UGT1A1: variants seen among roughly 807,000 people sequenced by gnomAD.
UGT1A1 encodes UDP-glucuronosyltransferase 1A1.
Under a neutral mutation model 40.6 loss-of-function variants are expected in UGT1A1, and 33 were observed. The observed-to-expected ratio is 0.81, with a 90% CI of 0.62 to 1.09. UGT1A1 has a LOEUF of 1.09. Among genes scored for constraint, UGT1A1 ranks in the 50% least tolerant of loss-of-function variants. UGT1A1 has a pLI of 0.00. For missense variants in UGT1A1, 694 were observed against 671.2 expected (o/e 1.03, Z -0.38); for synonymous variants, 249 against 265.0 (o/e 0.94, Z 0.59).
chr2:233,772,325 C>A lies in UGT1A1; in HGVS notation c.1368C>A (p.Asp456Glu). 6.2e-7 allele frequency: 1 copy of A among 1,614,136 alleles called. No homozygotes were observed. Among genetic ancestry groups the A allele is most frequent in the Non-Finnish European group, 8.5e-7 (1 of 1,180,020 alleles). ...AGGACCGCCCGGTGGAGCCGCTGGACCTGGCCGTGTTCTGGGTGGAGTTTG... is the reference window on the plus strand; with the variant it reads ...AGGACCGCCCGGTGGAGCCGCTGGAACTGGCCGTGTTCTGGGTGGAGTTTG... ...LHKDRPVEPL[D>E]LAVFWVEFVM... is the part of the protein sequence containing the mutation. Residue 456 changes from aspartate (D) to glutamate (E), a missense_variant, in exon 5 of 5, where the codon GAC (aspartate) becomes GAA (glutamate). Coordinates refer to ENST00000305208, the MANE Select transcript of UGT1A1 (RefSeq NM_000463.3).
rs1700550543 is a variant in UGT1A1, at chr2:233,772,835, G to A, written c.*276G>A. ...GACGTGCAGACAGGCTGGCATTCTA[G>A]ATTACTTTTCTTACTCTGAAACATG... On this transcript the variant is annotated 3_prime_UTR_variant, in exon 5 of 5. Transcript: ENST00000305208. 1.1e-6 allele frequency: 1 copy of A among 887,832 alleles called. No individual in the cohort carries two copies. Among genetic ancestry groups the A allele is most frequent in the Non-Finnish European group, 1.6e-6 (1 of 638,112 alleles). The allele number at this position is 887,832 out of a possible 1,614,324, so 55.0% of individuals were successfully genotyped here. A position where few individuals can be genotyped will look rare whatever the true frequency, so the allele number is the denominator to read the frequency against.
chr2:233,762,716 G>A (rs1165030295), intron 1 of UGT1A1, among the ~76,000 whole-genome samples: 4 of 149,682 alleles, frequency 2.7e-5, no homozygotes, highest in African/African-American at 7.3e-5. Flanking sequence ...TATTTTACAC[G>A]GTTTTTTTTT....
In UGT1A1 at chr2:233,772,456, T is replaced by A; in HGVS notation, c.1499T>A (p.Leu500Gln). The A allele has an allele frequency of 6.2e-7, 1 of 1,614,218 alleles. No homozygotes were observed. The highest frequency in any genetic ancestry group is 8.5e-7 in the Non-Finnish European group (1 of 1,180,044). Residue 500 changes from leucine to glutamine, a missense_variant, in exon 5 of 5, where the codon CTG (leucine) becomes CAG (glutamine). Leu to Gln is a moderately radical substitution (Grantham distance 113). Coordinates refer to ENST00000305208, the MANE Select transcript of UGT1A1 (RefSeq NM_000463.3). ...ATTGGTTTCCTCTTGGCCGTCGTGC[T>A]GACAGTGGCCTTCATCACCTTTAAA... is the stretch of plus-strand genomic sequence containing the variant. ...DVIGFLLAVV[L>Q]TVAFITFKCC...
rs3213726 is a variant in UGT1A1, at chr2:233,766,877, C to A, written c.865-157C>A. ...GAAGGAAGTAAAGGAGAGGAAAATG[C>A]TGTAAAACTTACATATTAATAATTT... On this transcript the variant is annotated intron_variant, in intron 1 of 4. Coordinates refer to ENST00000305208, the MANE Select transcript of UGT1A1 (RefSeq NM_000463.3). Among the ~76,000 whole-genome samples, 50 of 152,336 alleles carry A rather than the reference C, an allele frequency of 3.3e-4. No homozygotes were observed. The East Asian group carries it at 9.2e-3, about 28-fold the overall frequency.
At position 233,772,301 on chromosome 2, in the gene UGT1A1, G is replaced by A. The variant is rs1384880194; in HGVS notation, c.1344G>A (p.Lys448=). ...TCATGCGCCTCTCCAGCCTTCACAA[G>A]GACCGCCCGGTGGAGCCGCTGGACC... ...ENIMRLSSLH[K]DRPVEPLDLA... The change falls in exon 5 of 5, where the codon AAG becomes AAA. Residue 448 remains lysine (K), a synonymous_variant. Transcript: ENST00000305208. The A allele has an allele frequency of 3.7e-6, 6 of 1,614,106 alleles. No individual in the cohort carries two copies. The highest frequency in any genetic ancestry group is 5.1e-6 in the Non-Finnish European group (6 of 1,180,054).
At position 233,768,455 on chromosome 2, in the gene UGT1A1, C is replaced by T. The variant is rs781674536; in HGVS notation, c.1304+16C>T. 1.9e-6 allele frequency: 3 copies of T among 1,610,240 alleles called. No individual in the cohort carries two copies. The highest frequency in any genetic ancestry group is 2.2e-5 in the East Asian group (1 of 44,770). On this transcript the variant is annotated intron_variant, in intron 4 of 4. Coordinates refer to ENST00000305208, the MANE Select transcript of UGT1A1 (RefSeq NM_000463.3). ...ATGACAAAAGGTAAGAAAGAAGATA[C>T]AGAAGAATACTTTGGTCATGGCATT... is the stretch of plus-strand genomic sequence containing the variant.
In UGT1A1 at chr2:233,760,360, T is replaced by A. The variant is rs751894919; in HGVS notation, c.73T>A (p.Ser25Thr). Residue 25 changes from serine (S) to threonine (T), a missense_variant, in exon 1 of 5, where the codon TCC becomes ACC. By Grantham distance (58) the Ser-to-Thr change is moderately conservative (BLOSUM62 1). Transcript: ENST00000305208. ...LLLCVLGPVV[S>T]HAGKILLIPV... ...GCTGTGTGTGCTGGGCCCAGTGGTG[T>A]CCCATGCTGGGAAGATACTGTTGAT... The A allele has an allele frequency of 6.2e-7, 1 of 1,614,114 alleles. No homozygotes were observed. The highest frequency in any genetic ancestry group is 2.2e-5 in the East Asian group (1 of 44,872).
rs767800703 is a variant in UGT1A1 at position 233,760,482 on chromosome 2, G to A, written c.195G>A (p.Ser65=). 9.3e-6 allele frequency: 15 copies of A among 1,614,120 alleles called. No homozygotes were observed. The highest frequency in any genetic ancestry group is 4.0e-5 in the African/African-American group (3 of 74,938). ...HEIVVLAPDA[S]LYIRDGAFYT... is the part of the protein sequence containing the mutation. ...TAGTTGTCCTAGCACCTGACGCCTC[G>A]TTGTACATCAGAGACGGAGCATTTT... is the stretch of plus-strand genomic sequence containing the variant. Residue 65 remains serine, a synonymous_variant, in exon 1 of 5, where the codon TCG becomes TCA. Transcript: ENST00000305208.
At chr2:233,764,328 G>A (rs35377848) in intron 1 of UGT1A1, among the ~76,000 whole-genome samples, 4 of 152,284 alleles carry the variant, frequency 2.6e-5, no homozygotes, top group East Asian at 3.9e-4. Flanking sequence ...TTGCCAAGTA[G>A]GGGATGGACT....
Position 233,769,434 on chromosome 2 carries a change from T to C in UGT1A1, c.1304+995T>C, listed in dbSNP as rs999407687. 1.3e-5 allele frequency: 20 copies of C among 1,542,190 alleles called. No homozygotes were observed. Among genetic ancestry groups the C allele is most frequent in the Non-Finnish European group, 1.7e-5 (19 of 1,120,764 alleles). On this transcript the variant is annotated intron_variant, in intron 4 of 4. Coordinates refer to ENST00000305208, the MANE Select transcript of UGT1A1 (RefSeq NM_000463.3). This position sits in a 1 kb window ranked among gnomAD's most constrained non-coding sequence, Gnocchi z 4.4. ...GCGTTTGTGCATGTGGCTGTGCTCA[T>C]GTGTGGGTGCACACGTGTGCATTCA...
chr2:233,761,696 T>G (rs1228722840), intron 1 of UGT1A1, among the ~76,000 whole-genome samples: 1 of 152,214 alleles, frequency 6.6e-6, no homozygotes, highest in East Asian at 1.9e-4. Context: ...TACAGAAAGG[T>G]TGTAGGTTTC....
In UGT1A1 at chr2:233,767,157, C is replaced by T; in HGVS notation, c.988C>T (p.Pro330Ser). The T allele has an allele frequency of 3.1e-6, 5 of 1,614,012 alleles. No homozygotes were observed. Among genetic ancestry groups the T allele is most frequent in the Non-Finnish European group, 4.2e-6 (5 of 1,179,992 alleles). Reference protein sequence around the residue: ...MAIADALGKIPQTVLWRYTGT... With the variant: ...MAIADALGKISQTVLWRYTGT... ...AATTGCTGATGCTTTGGGCAAAATC[C>T]CTCAGACAGTAAGAAGATTCTATAC... The change falls in exon 2 of 5, where the codon CCT becomes TCT. Residue 330 changes from proline to serine, a missense_variant. Coordinates refer to ENST00000305208, the MANE Select transcript of UGT1A1 (RefSeq NM_000463.3).
intron 1 of UGT1A1, among the ~76,000 whole-genome samples, chr2:233,764,044 G>C (rs1237715809): frequency 6.6e-6 from 1 of 152,166 alleles, no homozygotes; most frequent in Non-Finnish European, 1.5e-5. Flanking sequence ...AAGAATTCTG[G>C]GAAAATGAAA....
chr2:233,770,795 G>A (rs1575855208), intron 4 of UGT1A1: 1 of 152,228 alleles, frequency 6.6e-6, no homozygotes, highest in East Asian at 1.9e-4. Flanking sequence ...TTATAGATAT[G>A]TTTAAAGACA....
intron 3 of UGT1A1, 40 bp downstream of exon 3, chr2:233,767,976 C>A: frequency 6.2e-7 from 1 of 1,614,040 alleles, no homozygotes; most frequent in South Asian, 1.1e-5. Context: ...AAACCAGGGT[C>A]AAATTAAGAA....
At position 233,769,644 on chromosome 2, in the gene UGT1A1, G is replaced by A; in HGVS notation, c.1304+1205G>A. ...CAAGGGACAACAGGGGAGGACTGAT[G>A]ACTGACTTCCCACCTTTGAGGTGCT... On this transcript the variant is annotated intron_variant, in intron 4 of 4. Transcript: ENST00000305208. This position sits in a 1 kb window ranked among gnomAD's most constrained non-coding sequence, Gnocchi z 4.4. The A allele has an allele frequency of 6.2e-7, 1 of 1,608,954 alleles. No individual in the cohort carries two copies. Among genetic ancestry groups the A allele is most frequent in the South Asian group, 1.1e-5 (1 of 90,446 alleles).
chr2:233,769,729 C>T lies in UGT1A1; in HGVS notation c.1304+1290C>T. The T allele has an allele frequency of 6.8e-6, 10 of 1,468,988 alleles. No homozygotes were observed. Among genetic ancestry groups the T allele is most frequent in the Non-Finnish European group, 9.0e-6 (10 of 1,109,108 alleles). 91.0% of individuals were successfully genotyped at this position (1,468,988 alleles called of 1,614,324 possible). ...TGTTGGCTAGGCACCATGGCACACGCCTGTAGTCCCAGCCACTCTGGAGGC... is the reference window on the plus strand; with the variant it reads ...TGTTGGCTAGGCACCATGGCACACGTCTGTAGTCCCAGCCACTCTGGAGGC... On this transcript the variant is annotated intron_variant, in intron 4 of 4. Transcript: ENST00000305208. This position sits in a 1 kb window ranked among gnomAD's most constrained non-coding sequence, Gnocchi z 4.4.
rs763548038 is a variant in UGT1A1 at position 233,772,319 on chromosome 2, G to A, written c.1362G>A (p.Pro454=). The A allele has an allele frequency of 6.2e-6, 10 of 1,614,046 alleles. No homozygotes were observed. The highest frequency in any genetic ancestry group is 7.6e-6 in the Non-Finnish European group (9 of 1,180,038). The change falls in exon 5 of 5, where the codon CCG becomes CCA. Residue 454 remains proline (P), a synonymous_variant. Coordinates refer to ENST00000305208, the MANE Select transcript of UGT1A1 (RefSeq NM_000463.3). ...TTCACAAGGACCGCCCGGTGGAGCC[G>A]CTGGACCTGGCCGTGTTCTGGGTGG... ...SSLHKDRPVE[P]LDLAVFWVEF...
Position 233,768,285 on chromosome 2 carries a change from A to G in UGT1A1, c.1150A>G (p.Asn384Asp), listed in dbSNP as rs777289979. 6 of 1,614,202 alleles carry G rather than the reference A, an allele frequency of 3.7e-6. No individual in the cohort carries two copies. In the South Asian group the frequency reaches 6.6e-5, roughly 18 times the overall value. ...GSHGVYESIC[N>D]GVPMVMMPLF... is the part of the protein sequence containing the mutation. ...CCATGGTGTTTATGAAAGCATATGC[A>G]ATGGCGTTCCCATGGTGATGATGCC... Residue 384 changes from asparagine to aspartate, a missense_variant, in exon 4 of 5, where the codon AAT becomes GAT. By Grantham distance (23) the Asn-to-Asp change is conservative. Coordinates refer to ENST00000305208, the MANE Select transcript of UGT1A1 (RefSeq NM_000463.3).
Sources: allele counts gnomAD v4.1 joint callset (sites outside exome capture counted in the v4.1 genomes callset), GRCh38; gene constraint gnomAD v4.1.1; non-coding constraint Gnocchi (gnomAD v3.1); transcripts MANE v1.5; gene names NCBI Gene and HGNC (gene_info 2026-07-23, HGNC 2026-07-21).